ILDR2: variants seen among roughly 807,000 people sequenced by gnomAD.
The protein encoded by ILDR2 is immunoglobulin like domain containing receptor 2, also known as immunoglobulin-like domain-containing receptor 2.
A neutral mutation model predicts 66.8 loss-of-function variants in ILDR2; 25 were observed. The observed-to-expected ratio is 0.37, with a 90% CI of 0.27 to 0.52. ILDR2 has a LOEUF of 0.52. ILDR2 is among the 20% of genes least tolerant of loss of function. The probability of loss-of-function intolerance (pLI) is 0.88; values close to 1 mark genes in which losing one functional copy is unlikely to be tolerated. For missense variants in ILDR2, 827 were observed against 876.8 expected, an observed-to-expected ratio of 0.94 and a Z score of 0.72; for synonymous variants, 367 against 357.2, an observed-to-expected ratio of 1.03 and a Z score of -0.31.
chr1:166,946,799 T>C (rs1308573089), intron 3 of ILDR2, among the ~76,000 whole-genome samples: 1 of 152,252 alleles, frequency 6.6e-6, no homozygotes, highest in Non-Finnish European at 1.5e-5. Context: ...AACTGCCTTC[T>C]AGTCTCCTAA....
rs1485535578 is a variant in ILDR2, at chr1:166,917,885, G to C, written c.*1470C>G. ...TTTTGTCATGCAGCAGGATAGTCCA[G>C]GCTTGTTCACCTGATGGTAGTTGCA... On this transcript the variant is annotated 3_prime_UTR_variant, in exon 10 of 10. Coordinates refer to ENST00000271417, the MANE Select transcript of ILDR2 (RefSeq NM_199351.3). 1 of 152,180 alleles carries C rather than the reference G, an allele frequency of 6.6e-6. No homozygotes were observed. Among genetic ancestry groups the C allele is most frequent in the African/African-American group, 2.4e-5 (1 of 41,446 alleles). The allele number at this position is 152,180 out of a possible 1,614,324, so 9.4% of individuals were successfully genotyped here.
intron 4 of ILDR2, among the ~76,000 whole-genome samples, chr1:166,939,079 G>GA (rs887283881): frequency 4.6e-5 from 7 of 151,804 alleles, no homozygotes; most frequent in African/African-American, 1.5e-4. Context: ...CCTAAGGTTT[G>GA]AAAAAAAAGT....
Position 166,919,139 on chromosome 1 carries a change from G to A in ILDR2, c.*216C>T. 2 of 546,332 alleles carry A rather than the reference G, an allele frequency of 3.7e-6. No homozygotes were observed. The highest frequency in any genetic ancestry group is 6.6e-6 in the Non-Finnish European group (2 of 303,744). The allele number at this position is 546,332 out of a possible 1,614,324, so 33.8% of individuals were successfully genotyped here. On this transcript the variant is annotated 3_prime_UTR_variant, in exon 10 of 10. Transcript: ENST00000271417. Reference sequence around the variant, plus strand: ...TGTAGGAATGTTCTCACACATTCTTGCTTTCTTGGTAAGCTTCTCAAACTA... The same window carrying A: ...TGTAGGAATGTTCTCACACATTCTTACTTTCTTGGTAAGCTTCTCAAACTA...
chr1:166,896,902 T>C (rs2101810311), intron 2 of ILDR2, among the ~76,000 whole-genome samples: 1 of 152,308 alleles, frequency 6.6e-6, no homozygotes, highest in African/African-American at 2.4e-5. Flanking sequence ...CCCAAAGTGC[T>C]GGGATTACAG....
chr1:166,909,434 G>A lies in ILDR2; in HGVS notation c.*9921C>T, dbSNP rs1178508395. ...GAGCTACTCCAGGATCTCTCTAATAGATGAGCTCCATTTCTCCTTTTCTTG... is the reference window on the plus strand; with the variant it reads ...GAGCTACTCCAGGATCTCTCTAATAAATGAGCTCCATTTCTCCTTTTCTTG... On this transcript the variant is annotated 3_prime_UTR_variant, in exon 10 of 10. Transcript: ENST00000271417. 6.6e-6 allele frequency: 1 copy of A among 152,026 alleles called. No homozygotes were observed. The highest frequency in any genetic ancestry group is 1.9e-4 in the East Asian group (1 of 5,176). The allele number at this position is 152,026 out of a possible 1,614,324, so 9.4% of individuals were successfully genotyped here. A position where few individuals can be genotyped will look rare whatever the true frequency, so the allele number is the denominator to read the frequency against.
rs531129831 is a variant in ILDR2 at position 166,921,311 on chromosome 1, A to G, written c.1280T>C (p.Met427Thr). 1.1e-5 allele frequency: 17 copies of G among 1,593,158 alleles called. No homozygotes were observed. Among genetic ancestry groups the G allele is most frequent in the South Asian group, 8.9e-5 (8 of 89,782 alleles). Reference sequence around the variant, plus strand: ...GTCAGCGAAGGCCGCCAGCTCGTCCATGGAAACGGCCGGCACCCCCGTGGC... The same window carrying G: ...GTCAGCGAAGGCCGCCAGCTCGTCCGTGGAAACGGCCGGCACCCCCGTGGC... ...NFATGVPAVSMDELAAFADSY... is the reference protein window; with the variant it reads ...NFATGVPAVSTDELAAFADSY... The change falls in exon 9 of 10, where the codon ATG becomes ACG. Residue 427 changes from methionine (M) to threonine (T), a missense_variant. By Grantham distance (81) the Met-to-Thr change is moderately conservative (BLOSUM62 -1). Transcript: ENST00000271417. This position sits in a 1 kb window ranked among gnomAD's most constrained non-coding sequence, Gnocchi z 5.3.
intron 3 of ILDR2, among the ~76,000 whole-genome samples, chr1:166,950,225 C>G (rs1361515969): frequency 1.3e-5 from 2 of 152,146 alleles, no homozygotes; most frequent in African/African-American, 4.8e-5. Flanking sequence ...CATTCTTTTT[C>G]CCTCTTCCTC....
intron 3 of ILDR2, among the ~76,000 whole-genome samples, chr1:166,950,726 TACACACACAC>T (rs57212569): frequency 5.6e-4 from 82 of 146,712 alleles, no homozygotes; most frequent in East Asian, 4.2e-3. Flanking sequence ...TGATCTAAAA[TACACACACAC>T]ACACACACAC....
At chr1:166,938,803 C>T (rs1428521218) in intron 4 of ILDR2, among the ~76,000 whole-genome samples, 3 of 152,292 alleles carry the variant, frequency 2.0e-5, no homozygotes, top group South Asian at 4.1e-4. Flanking sequence ...ATATGTTCTT[C>T]CCCACAGTTC....
At chr1:166,922,501 C>G in intron 8 of ILDR2, 92 bp downstream of exon 8, 3 of 907,284 alleles carry the variant, frequency 3.3e-6, no homozygotes, top group Non-Finnish European at 5.4e-6. Flanking sequence ...GACAGAGATG[C>G]TACTGGATGG....
At chr1:166,952,187 C>G (rs1294655325) in intron 3 of ILDR2, among the ~76,000 whole-genome samples, 1 of 152,138 alleles carries the variant, frequency 6.6e-6, no homozygotes, top group African/African-American at 2.4e-5. Flanking sequence ...CCCCAGGGAA[C>G]TTTATTCCTG....
intron 3 of ILDR2, among the ~76,000 whole-genome samples, chr1:166,949,051 G>A (rs938401308): frequency 3.9e-5 from 6 of 152,196 alleles, no homozygotes; most frequent in African/African-American, 1.4e-4. Context: ...TGTTCACAGT[G>A]GACTTTATCC....
intron 2 of ILDR2, among the ~76,000 whole-genome samples, chr1:166,901,956 G>A (rs1571255197): frequency 6.6e-6 from 1 of 152,318 alleles, no homozygotes. Flanking sequence ...CGCCTCCCGG[G>A]TTCAGGCGAT....
chr1:166,975,194 T>C, intron 1 of ILDR2, 29 bp downstream of exon 1: 2 of 1,572,142 alleles, frequency 1.3e-6, no homozygotes, highest in Non-Finnish European at 1.8e-6. Context: ...TATACAAAGT[T>C]ATTCGTTTCT....
chr1:166,926,961 C>T (rs1314948519), intron 7 of ILDR2, 106 bp downstream of exon 7: 1 of 672,376 alleles, frequency 1.5e-6, no homozygotes, highest in Non-Finnish European at 2.5e-6. Context: ...CCTGCTAATT[C>T]TAAGCCTGCA....
chr1:166,901,055 A>C (rs1659256142), intron 2 of ILDR2, among the ~76,000 whole-genome samples: 1 of 152,162 alleles, frequency 6.6e-6, no homozygotes, highest in South Asian at 2.1e-4. Context: ...GCAAAGCCCC[A>C]ATAGCTTTAT....
chr1:166,968,102 T>C (rs1004675313), intron 1 of ILDR2, among the ~76,000 whole-genome samples: 9 of 152,222 alleles, frequency 5.9e-5, no homozygotes, highest in Admixed American at 5.2e-4. Flanking sequence ...GCCACTGTCT[T>C]GCTCTCATTC....
In ILDR2 at chr1:166,909,258, A is replaced by G. The variant is rs1164393593; in HGVS notation, c.*10097T>C. On this transcript the variant is annotated 3_prime_UTR_variant, in exon 10 of 10. Coordinates refer to ENST00000271417, the MANE Select transcript of ILDR2 (RefSeq NM_199351.3). ...TGTGACTCTCAGACTGCTAGTGGCTATATTCCTGCCTTTTGGAGTAAGTCT... is the reference window on the plus strand; with the variant it reads ...TGTGACTCTCAGACTGCTAGTGGCTGTATTCCTGCCTTTTGGAGTAAGTCT... The G allele has an allele frequency of 6.6e-6, 1 of 152,174 alleles. No homozygotes were observed. Among genetic ancestry groups the G allele is most frequent in the African/African-American group, 2.4e-5 (1 of 41,436 alleles). 9.4% of individuals were successfully genotyped at this position (152,174 alleles called of 1,614,324 possible).
chr1:166,920,838 C>T lies in ILDR2; in HGVS notation c.1753G>A (p.Asp585Asn). The change falls in exon 9 of 10, where the codon GAC (aspartate) becomes AAC (asparagine). Residue 585 changes from aspartate (D) to asparagine (N), a missense_variant. This residue lies in a region of ILDR2 where 390 missense variants were observed against 353.6 expected (regional missense o/e 1.10). Coordinates refer to ENST00000271417, the MANE Select transcript of ILDR2 (RefSeq NM_199351.3). ...KAGSSQDDQE[D>N]ASDDALPPYS... ...GGCGGCAGCGCGTCGTCGGACGCGTCCTCCTGGTCGTCCTGCGACGAGCCG... is the reference window on the plus strand; with the variant it reads ...GGCGGCAGCGCGTCGTCGGACGCGTTCTCCTGGTCGTCCTGCGACGAGCCG... The T allele has an allele frequency of 6.6e-7, 1 of 1,516,956 alleles. No homozygotes were observed. Among genetic ancestry groups the T allele is most frequent in the East Asian group, 2.7e-5 (1 of 37,442 alleles). The allele number at this position is 1,516,956 out of a possible 1,614,324, so 94.0% of individuals were successfully genotyped here.
Sources: allele counts gnomAD v4.1 joint callset (sites outside exome capture counted in the v4.1 genomes callset), GRCh38; gene constraint gnomAD v4.1.1; regional missense constraint gnomAD v4.1.1; non-coding constraint Gnocchi (gnomAD v3.1); transcripts MANE v1.5; gene names NCBI Gene and HGNC (gene_info 2026-07-23, HGNC 2026-07-21).